The following CFAP20DC variants were observed in gnomAD, a reference collection of about 807,000 sequenced individuals.
The protein encoded by CFAP20DC is CFAP20 domain containing.
A neutral mutation model predicts 101.7 loss-of-function variants in CFAP20DC; 84 were observed. The ratio of observed to expected loss-of-function variants is 0.83; its 90% CI spans 0.69 to 0.99. The LOEUF is 0.99. Among genes scored for constraint, CFAP20DC ranks in the 50% least tolerant of loss-of-function variants. The pLI is 0.00. For synonymous variants in CFAP20DC, 359 were observed against 351.2 expected (o/e 1.02, Z -0.25); for missense variants, 1,007 against 970.3 (o/e 1.04, Z -0.50).
At chr3:58,774,476 G>T (rs906078800) in intron 15 of CFAP20DC, among the ~76,000 whole-genome samples, 3 of 152,122 alleles carry the variant, frequency 2.0e-5, no homozygotes, top group African/African-American at 7.2e-5. Context: ...TTAAGTTGTA[G>T]AAATGGTTAG....
At chr3:58,851,438 T>C (rs182654639) in intron 12 of CFAP20DC, among the ~76,000 whole-genome samples, 1 of 152,180 alleles carries the variant, frequency 6.6e-6, no homozygotes, top group Non-Finnish European at 1.5e-5. Context: ...TGAGTAATTC[T>C]TGCAGTCTCT....
chr3:59,037,687 T>A (rs1394436945), intron 4 of CFAP20DC, among the ~76,000 whole-genome samples: 1 of 151,360 alleles, frequency 6.6e-6, no homozygotes, highest in Admixed American at 6.6e-5. Flanking sequence ...TTGGTGGGAG[T>A]CTAAATTAAA....
At chr3:58,812,932 G>A (rs1268411031) in intron 14 of CFAP20DC, among the ~76,000 whole-genome samples, 1 of 151,688 alleles carries the variant, frequency 6.6e-6, no homozygotes, top group African/African-American at 2.4e-5. Context: ...TTTCAGACAG[G>A]AAAACAAAAC....
chr3:58,788,201 C>T lies in CFAP20DC; in HGVS notation c.2237+18194G>A, dbSNP rs1192194456. ...AACAAAGCAAAACAAAACAAAACTC[C>T]AACTCACTGCATACAGACAGATTCT... On this transcript the variant is annotated intron_variant, in intron 15 of 16. Transcript: ENST00000482387. The surrounding 1 kb of genome is among the most constrained non-coding windows in gnomAD (Gnocchi z 4.2). Among the ~76,000 whole-genome samples, 1 of 151,528 alleles carries T rather than the reference C, an allele frequency of 6.6e-6. No individual in the cohort carries two copies. Among genetic ancestry groups the T allele is most frequent in the Non-Finnish European group, 1.5e-5 (1 of 67,882 alleles).
chr3:58,762,972 T>G lies in CFAP20DC; in HGVS notation c.2238-9109A>C, dbSNP rs193262887. The stretch of plus-strand genomic sequence containing the variant: ...CTTTCTCTCTGGCTGCCCTTAACAT[T>G]TTTTCCTTCATTTCAACTTTGGTGA... On this transcript the variant is annotated intron_variant, in intron 15 of 16. Transcript: ENST00000482387. 8.2e-3 allele frequency among the ~76,000 whole-genome samples: 1,236 copies of G among 151,044 alleles called. 19 individuals carry two copies. The highest frequency in any genetic ancestry group is 0.029 in the African/African-American group (1,181 of 41,036).
intron 12 of CFAP20DC, among the ~76,000 whole-genome samples, chr3:58,854,006 A>G (rs1286708309): frequency 3.9e-5 from 6 of 152,068 alleles, no homozygotes; most frequent in South Asian, 2.1e-4. Context: ...AGGAGAAGGA[A>G]ATAAAGGGTA....
At chr3:59,022,033 T>C (rs941585033) in intron 4 of CFAP20DC, among the ~76,000 whole-genome samples, 7 of 152,114 alleles carry the variant, frequency 4.6e-5, no homozygotes, top group Non-Finnish European at 7.4e-5. Context: ...AGAATCTGAC[T>C]TATTTCTGTT....
intron 14 of CFAP20DC, among the ~76,000 whole-genome samples, chr3:58,819,919 C>T (rs1319690210): frequency 7.0e-6 from 1 of 143,102 alleles, no homozygotes; most frequent in Non-Finnish European, 1.5e-5. Context: ...ACGAATCCAG[C>T]AGCACATCAA....
chr3:58,986,045 TTTTCC>T (rs2092739114), intron 4 of CFAP20DC, among the ~76,000 whole-genome samples: 1 of 152,180 alleles, frequency 6.6e-6, no homozygotes, highest in Non-Finnish European at 1.5e-5. Flanking sequence ...TAACCATTTG[TTTTCC>T]TTTATTAGAA....
intron 12 of CFAP20DC, among the ~76,000 whole-genome samples, chr3:58,853,143 G>A (rs2078415406): frequency 6.6e-6 from 1 of 152,170 alleles, no homozygotes; most frequent in East Asian, 1.9e-4. Context: ...AAGAAATGAT[G>A]AAGGGGATAT....
intron 14 of CFAP20DC, among the ~76,000 whole-genome samples, chr3:58,812,255 C>G (rs551665210): frequency 6.6e-6 from 1 of 152,072 alleles, no homozygotes; most frequent in African/African-American, 2.4e-5. Flanking sequence ...CACATGCACA[C>G]GTATGTTTAT....
At chr3:59,000,659 T>C (rs1298411525) in intron 4 of CFAP20DC, among the ~76,000 whole-genome samples, 2 of 151,750 alleles carry the variant, frequency 1.3e-5, no homozygotes, top group African/African-American at 4.8e-5. Flanking sequence ...ATTTGAGAGG[T>C]TGAAAATTCA....
At chr3:58,875,469 G>A (rs1440536492) in intron 7 of CFAP20DC, among the ~76,000 whole-genome samples, 1 of 152,140 alleles carries the variant, frequency 6.6e-6, no homozygotes, top group South Asian at 2.1e-4. Flanking sequence ...GAAGGGCTCT[G>A]TGGGACATGG....
At chr3:58,948,441 G>A (rs886486725) in intron 4 of CFAP20DC, among the ~76,000 whole-genome samples, 2 of 152,038 alleles carry the variant, frequency 1.3e-5, no homozygotes, top group Non-Finnish European at 2.9e-5. Context: ...ATTCCCCTTT[G>A]TGGTTTTGGT....
intron 13 of CFAP20DC, among the ~76,000 whole-genome samples, chr3:58,839,170 C>T (rs774678031): frequency 5.9e-5 from 9 of 152,296 alleles, no homozygotes; most frequent in South Asian, 2.1e-4. Context: ...CATTAAAATA[C>T]GTTAAAGCAT....
chr3:59,043,859 T>G (rs1303993110), intron 3 of CFAP20DC, among the ~76,000 whole-genome samples: 3 of 152,108 alleles, frequency 2.0e-5, no homozygotes, highest in Non-Finnish European at 4.4e-5. Context: ...CAATGAAAAA[T>G]TATGACCCAA....
intron 16 of CFAP20DC, among the ~76,000 whole-genome samples, chr3:58,744,829 G>T (rs1402513111): frequency 6.6e-6 from 1 of 152,134 alleles, no homozygotes; most frequent in Non-Finnish European, 1.5e-5. Flanking sequence ...AATGAAACAT[G>T]TACTCTGGAA....
At chr3:58,883,819 C>G (rs2081397121) in intron 7 of CFAP20DC, among the ~76,000 whole-genome samples, 1 of 152,128 alleles carries the variant, frequency 6.6e-6, no homozygotes, top group Admixed American at 6.5e-5. Flanking sequence ...AAAAATGTCT[C>G]TAACCTGTAA....
intron 7 of CFAP20DC, 125 bp from the exon 8 acceptor site, chr3:58,870,434 T>C (rs2080072611): frequency 2.3e-6 from 2 of 872,064 alleles, no homozygotes. Context: ...CCCCTCAGCA[T>C]GTATTAAAAA....
Sources: allele counts gnomAD v4.1 joint callset (sites outside exome capture counted in the v4.1 genomes callset), GRCh38; gene constraint gnomAD v4.1.1; non-coding constraint Gnocchi (gnomAD v3.1); transcripts MANE v1.5; gene names NCBI Gene and HGNC (gene_info 2026-07-23, HGNC 2026-07-21).